The following GRID1 variants were observed in gnomAD, a reference collection of about 807,000 sequenced individuals.
GRID1 encodes the protein glutamate receptor ionotropic, delta-1.
GRID1 carries 28 observed loss-of-function variants against 98.0 expected under a neutral mutation model. The observed-to-expected ratio is 0.29, with a 90% CI of 0.21 to 0.39. The LOEUF (loss-of-function observed/expected upper bound fraction) is 0.39. Among genes scored for constraint, GRID1 ranks in the 10% least tolerant of loss-of-function variants. The pLI, the probability that GRID1 is intolerant of heterozygous loss-of-function variation, is 1.00. For missense variants in GRID1, 1,111 were observed against 1,340.5 expected, an observed-to-expected ratio of 0.83 and a Z score of 2.67; for synonymous variants, 553 against 538.5, an observed-to-expected ratio of 1.03 and a Z score of -0.37.
intron 3 of GRID1, among the ~76,000 whole-genome samples, chr10:86,185,570 T>A (rs1297144305): frequency 2.0e-5 from 3 of 152,158 alleles, no homozygotes; most frequent in Non-Finnish European, 4.4e-5. Flanking sequence ...AAGCATATAG[T>A]CTTTCACTAT....
intron 12 of GRID1, among the ~76,000 whole-genome samples, chr10:85,703,101 C>A (rs1239835571): frequency 6.6e-6 from 1 of 151,978 alleles, no homozygotes; most frequent in African/African-American, 2.4e-5. Context: ...GTATGACACA[C>A]AGGAAGAAGG....
At chr10:86,075,714 G>C (rs985355431) in intron 4 of GRID1, among the ~76,000 whole-genome samples, 5 of 152,174 alleles carry the variant, frequency 3.3e-5, no homozygotes, top group African/African-American at 1.2e-4. Context: ...ATGTCCAAGG[G>C]GAGGCAAGCA....
In GRID1 at chr10:85,631,404, A is replaced by T. The variant is rs140381019; in HGVS notation, c.2194-11371T>A. Among the ~76,000 whole-genome samples the T allele has an allele frequency of 1.3e-3, 199 of 152,362 alleles. 5 individuals are homozygous for T. The East Asian group carries it at 0.036, about 28-fold the overall frequency. On this transcript the variant is annotated intron_variant, in intron 13 of 15. Coordinates refer to ENST00000327946, the MANE Select transcript of GRID1 (RefSeq NM_017551.3). Reference sequence around the variant, plus strand: ...TTTGTTAATGACATCTGCCTCCAGCATCTGACCCTGTGGAGACATTATGGC... The same window carrying T: ...TTTGTTAATGACATCTGCCTCCAGCTTCTGACCCTGTGGAGACATTATGGC...
At chr10:86,358,466 A>AAAATAGG (rs1324946790) in intron 2 of GRID1, among the ~76,000 whole-genome samples, 6 of 152,120 alleles carry the variant, frequency 3.9e-5, no homozygotes, top group Non-Finnish European at 7.4e-5. Context: ...AGCTATCCTT[A>AAAATAGG]AAATAGGGAG....
chr10:85,925,105 T>C (rs946223590), intron 4 of GRID1, among the ~76,000 whole-genome samples: 1 of 152,204 alleles, frequency 6.6e-6, no homozygotes, highest in African/African-American at 2.4e-5. Context: ...CTTGGAGAAG[T>C]GAAGCCAGGA....
chr10:86,088,324 G>C (rs1443675267), intron 4 of GRID1, among the ~76,000 whole-genome samples: 7 of 152,204 alleles, frequency 4.6e-5, no homozygotes, highest in African/African-American at 7.2e-5. Flanking sequence ...GAGAGAGAGA[G>C]AGATCACATC....
At chr10:85,752,236 C>CA (rs1312939161) in intron 8 of GRID1, among the ~76,000 whole-genome samples, 1 of 152,120 alleles carries the variant, frequency 6.6e-6, no homozygotes, top group Non-Finnish European at 1.5e-5. Flanking sequence ...GTCTTGGAGA[C>CA]ACACTCAAAC....
Position 86,285,374 on chromosome 10 carries a change from C to T in GRID1, c.235+78567G>A, listed in dbSNP as rs549753702. On this transcript the variant is annotated intron_variant, in intron 2 of 15. Coordinates refer to ENST00000327946, the MANE Select transcript of GRID1 (RefSeq NM_017551.3). ...TGAAGCCCTGTGGTGACATGCTTGC[C>T]TAAACCAAATGTGACATTCTTAATG... 2.6e-5 allele frequency among the ~76,000 whole-genome samples: 4 copies of T among 152,332 alleles called. No individual in the cohort carries two copies. The East Asian group carries it at 7.7e-4, about 29-fold the overall frequency.
chr10:85,680,212 C>T (rs947319562), intron 12 of GRID1, among the ~76,000 whole-genome samples: 1 of 152,136 alleles, frequency 6.6e-6, no homozygotes, highest in Admixed American at 6.5e-5. Flanking sequence ...AGCTTAACAC[C>T]CTTTGCCCTC....
At chr10:86,333,414 C>T (rs928595889) in intron 2 of GRID1, among the ~76,000 whole-genome samples, 3 of 152,220 alleles carry the variant, frequency 2.0e-5, no homozygotes, top group African/African-American at 7.2e-5. Flanking sequence ...CCCCACTAGA[C>T]TGGGAACATT....
chr10:85,978,003 C>T (rs952966382), intron 4 of GRID1, among the ~76,000 whole-genome samples: 6 of 152,116 alleles, frequency 3.9e-5, no homozygotes, highest in African/African-American at 1.4e-4. Flanking sequence ...GGCCAGAGGG[C>T]CAAAAGAGCC....
At chr10:86,236,805 A>G (rs1364521809) in intron 2 of GRID1, among the ~76,000 whole-genome samples, 1 of 152,168 alleles carries the variant, frequency 6.6e-6, no homozygotes, top group African/African-American at 2.4e-5. Flanking sequence ...TGTGCATGGC[A>G]AATCCTGGGT....
chr10:86,063,673 A>G (rs1201486495), intron 4 of GRID1, among the ~76,000 whole-genome samples: 1 of 152,232 alleles, frequency 6.6e-6, no homozygotes, highest in Non-Finnish European at 1.5e-5. Context: ...ATATATTGAT[A>G]TGGAAGACTT....
chr10:85,773,043 T>C (rs1420249919), intron 8 of GRID1, among the ~76,000 whole-genome samples: 5 of 152,120 alleles, frequency 3.3e-5, no homozygotes, highest in Non-Finnish European at 2.9e-5. Flanking sequence ...TAGACCAATA[T>C]CCTTGATGAA....
chr10:86,098,696 G>A (rs1442167999), intron 4 of GRID1, among the ~76,000 whole-genome samples: 1 of 152,200 alleles, frequency 6.6e-6, no homozygotes, highest in Non-Finnish European at 1.5e-5. Context: ...TTCTTTAACT[G>A]AGTGGTGAAA....
chr10:86,123,287 C>A (rs1844704640), intron 4 of GRID1, among the ~76,000 whole-genome samples: 1 of 152,170 alleles, frequency 6.6e-6, no homozygotes, highest in African/African-American at 2.4e-5. Flanking sequence ...TAGCCTGGAA[C>A]CTACCGGTGA....
At chr10:86,212,316 C>G (rs1330651104) in intron 2 of GRID1, among the ~76,000 whole-genome samples, 1 of 152,232 alleles carries the variant, frequency 6.6e-6, no homozygotes, top group Admixed American at 6.5e-5. Flanking sequence ...CCCTGCAACT[C>G]TGAGGTCCCA....
chr10:85,897,923 C>G lies in GRID1; in HGVS notation c.780+18263G>C, dbSNP rs1001805546. On this transcript the variant is annotated intron_variant, in intron 5 of 15. Coordinates refer to ENST00000327946, the MANE Select transcript of GRID1 (RefSeq NM_017551.3). ...CCACGGCATCTCACCCTTCTTCTCT[C>G]TGCTTCTATAAGTTCAACTTTTTTG... Among the ~76,000 whole-genome samples the G allele has an allele frequency of 3.9e-5, 6 of 152,194 alleles. No homozygotes were observed. In the South Asian group the frequency reaches 1.0e-3, roughly 26 times the overall value.
chr10:86,001,768 G>T (rs901194922), intron 4 of GRID1, among the ~76,000 whole-genome samples: 2 of 152,072 alleles, frequency 1.3e-5, no homozygotes, highest in Non-Finnish European at 2.9e-5. Context: ...GTATTAGTTT[G>T]CTATGGCTGC....
Sources: gnomAD v4.1 joint callset for allele counts (sites outside exome capture counted in the v4.1 genomes callset) on GRCh38, gnomAD v4.1.1 for gene constraint, MANE v1.5 for transcripts, NCBI Gene and HGNC (gene_info 2026-07-23, HGNC 2026-07-21) for gene names.